Variants in CPNE1 observed in about 807,000 individuals in gnomAD.
The protein encoded by CPNE1 is copine 1, also known as copine-1.
Under a neutral mutation model 63.2 loss-of-function variants are expected in CPNE1, and 58 were observed. That is an observed-to-expected ratio of 0.92 (90% CI 0.74 to 1.14). The LOEUF is 1.14. Ranked by LOEUF, CPNE1 falls within the 50% of genes most tolerant of loss-of-function variation. The pLI, the probability that CPNE1 is intolerant of heterozygous loss-of-function variation, is 0.00. For missense variants in CPNE1, 672 were observed against 661.7 expected (o/e 1.02, Z -0.17); for synonymous variants, 237 against 249.0 (o/e 0.95, Z 0.45).
intron 1 of CPNE1, chr20:35,653,273 T>C (rs1262363673): frequency 1.9e-6 from 3 of 1,613,512 alleles, no homozygotes; most frequent in East Asian, 2.2e-5. Flanking sequence ...AGTCCTGCAC[T>C]GGTTATTGCT....
At chr20:35,652,505 T>C in intron 1 of CPNE1, 2 of 1,597,476 alleles carry the variant, frequency 1.3e-6, no homozygotes, top group Non-Finnish European at 1.7e-6. Flanking sequence ...ATCTACCCTA[T>C]AAAAAATGAT....
At chr20:35,638,021 T>A (rs984172914) in intron 1 of CPNE1, among the ~76,000 whole-genome samples, 8 of 152,244 alleles carry the variant, frequency 5.3e-5, no homozygotes, top group African/African-American at 1.9e-4. Flanking sequence ...TAGATACTCA[T>A]CAGTAAGTAT....
chr20:35,663,046 T>A (rs776570561), intron 1 of CPNE1, among the ~76,000 whole-genome samples: 52 of 152,326 alleles, frequency 3.4e-4, no homozygotes, highest in Non-Finnish European at 6.0e-4. Flanking sequence ...ACTAAGCACA[T>A]CTTCATTGTT....
At position 35,660,431 on chromosome 20, in the gene CPNE1, T is replaced by A. The variant is rs186040902; in HGVS notation, c.-1+4329A>T. Among the ~76,000 whole-genome samples the A allele has an allele frequency of 1.1e-3, 160 of 152,292 alleles. 2 individuals carry two copies. The highest frequency in any genetic ancestry group is 3.3e-3 in the African/African-American group (136 of 41,564). ...AGGGGTTTCATTATGTTACCCAGGC[T>A]GGTCTCTTAACTCCTCACCTCAAGT... On this transcript the variant is annotated intron_variant, in intron 1 of 15. Coordinates refer to ENST00000397443, the MANE Select transcript of CPNE1 (RefSeq NM_152925.3).
intron 1 of CPNE1, chr20:35,651,979 T>C (rs2033554612): frequency 6.6e-6 from 1 of 152,570 alleles, no homozygotes; most frequent in African/African-American, 2.4e-5. Flanking sequence ...GGACTGTCTA[T>C]ACAGCAAGGA....
intron 1 of CPNE1, among the ~76,000 whole-genome samples, chr20:35,662,157 A>C (rs1196664210): frequency 6.6e-6 from 1 of 152,186 alleles, no homozygotes; most frequent in South Asian, 2.1e-4. Context: ...ATTAACCTCC[A>C]TTCCGTACTC....
intron 1 of CPNE1, among the ~76,000 whole-genome samples, chr20:35,633,960 A>C (rs1305808037): frequency 3.9e-4 from 40 of 102,426 alleles, no homozygotes; most frequent in African/African-American, 1.8e-3. Context: ...ATTCCGTCTC[A>C]AAAAAAAAAA....
At chr20:35,632,975 C>T (rs753233196) in intron 1 of CPNE1, 52 bp from the exon 2 acceptor site, 1 of 839,858 alleles carries the variant, frequency 1.2e-6, no homozygotes. Flanking sequence ...CTCCCCTTCC[C>T]CGACTACAGG....
At chr20:35,663,716 C>T (rs1469595612) in intron 1 of CPNE1, among the ~76,000 whole-genome samples, 1 of 152,124 alleles carries the variant, frequency 6.6e-6, no homozygotes, top group Non-Finnish European at 1.5e-5. Flanking sequence ...TCAGATTTGT[C>T]ACTATAAAGC....
intron 1 of CPNE1, chr20:35,652,760 G>A: frequency 2.5e-6 from 4 of 1,612,740 alleles, no homozygotes; most frequent in Non-Finnish European, 3.4e-6. Flanking sequence ...ATTACTGTCG[G>A]TCCTGGTTTT....
At chr20:35,664,378 G>C (rs2034416194) in intron 1 of CPNE1, 1 of 152,248 alleles carries the variant, frequency 6.6e-6, no homozygotes, top group Admixed American at 6.5e-5. Flanking sequence ...CAGAGATGTA[G>C]TTATAACCTC....
intron 1 of CPNE1, chr20:35,653,083 A>T: frequency 6.2e-7 from 1 of 1,613,864 alleles, no homozygotes; most frequent in South Asian, 1.1e-5. Flanking sequence ...AGCATCACCA[A>T]AGGCCCCGCC....
chr20:35,648,942 A>G (rs1002511816), intron 1 of CPNE1: 10 of 152,804 alleles, frequency 6.5e-5, no homozygotes, highest in African/African-American at 2.2e-4. Context: ...AAAGCATTAA[A>G]AGCATCAGCC....
At chr20:35,635,059 A>G (rs1428740097) in intron 1 of CPNE1, among the ~76,000 whole-genome samples, 1 of 151,486 alleles carries the variant, frequency 6.6e-6, no homozygotes, top group African/African-American at 2.4e-5. Flanking sequence ...GTTTGTTTCT[A>G]CCCCAAACAC....
intron 1 of CPNE1, among the ~76,000 whole-genome samples, chr20:35,658,587 C>T (rs1467515620): frequency 6.6e-6 from 1 of 152,068 alleles, no homozygotes; most frequent in Non-Finnish European, 1.5e-5. Flanking sequence ...GATAAAACCC[C>T]ATCTCTACTA....
rs746796889 is a variant in CPNE1, at chr20:35,627,187, CAAAAAAAAA to C, written c.1236+84_1236+92del. 2.8e-5 allele frequency: 15 copies of C among 536,780 alleles called. 1 individual carries two copies. In the African/African-American group the frequency reaches 5.2e-4, roughly 19 times the overall value. The allele number at this position is 536,780 out of a possible 1,614,324, so 33.3% of individuals were successfully genotyped here. On this transcript the variant is annotated intron_variant, in intron 14 of 15. Coordinates refer to ENST00000397443, the MANE Select transcript of CPNE1 (RefSeq NM_152925.3). ...TGGGTGACAGAGCAAGAGTCCATCT[CAAAAAAAAA>C]AAAAAAAAAAAAAGTCCTTTGTTCC...
chr20:35,646,414 G>A (rs574964601), intron 1 of CPNE1, among the ~76,000 whole-genome samples: 103 of 134,502 alleles, frequency 7.7e-4, no homozygotes, highest in African/African-American at 2.8e-3. Context: ...TTTTGAGACA[G>A]GGTCTTGCTA....
At chr20:35,642,743 T>C (rs1198874777) in intron 1 of CPNE1, among the ~76,000 whole-genome samples, 1 of 152,184 alleles carries the variant, frequency 6.6e-6, no homozygotes, top group Non-Finnish European at 1.5e-5. Context: ...AACTACACAT[T>C]CCTTATTCAT....
Position 35,627,313 on chromosome 20 carries a change from A to T in CPNE1, c.1203T>A (p.Phe401Leu). The change falls in exon 14 of 16, where the codon TTT (phenylalanine) becomes TTA (leucine). Residue 401 changes from phenylalanine (F) to leucine (L), a missense_variant. Transcript: ENST00000397443. ...FAPIINHVAR[F>L]AAQAAHQGTA... is the part of the protein sequence containing the mutation. ...TCCCCTGATGTGCAGCCTGGGCTGCAAACCTGGCCACATGGTTGATGATGG... is the reference window on the plus strand; with the variant it reads ...TCCCCTGATGTGCAGCCTGGGCTGCTAACCTGGCCACATGGTTGATGATGG... 6.3e-7 allele frequency: 1 copy of T among 1,584,578 alleles called. No homozygotes were observed. Among genetic ancestry groups the T allele is most frequent in the Non-Finnish European group, 8.6e-7 (1 of 1,166,506 alleles).
Sources: allele counts gnomAD v4.1 joint callset (sites outside exome capture counted in the v4.1 genomes callset), GRCh38; gene constraint gnomAD v4.1.1; transcripts MANE v1.5; gene names NCBI Gene and HGNC (gene_info 2026-07-23, HGNC 2026-07-21).